GRHL2: variants seen among roughly 807,000 people sequenced by gnomAD.
The protein encoded by GRHL2 is grainyhead like transcription factor 2, also known as grainyhead-like protein 2 homolog.
GRHL2 carries 21 observed loss-of-function variants against 83.8 expected under a neutral mutation model. The ratio of observed to expected loss-of-function variants is 0.25; its 90% CI spans 0.18 to 0.36. The LOEUF is 0.36. Among genes scored for constraint, GRHL2 ranks in the 10% least tolerant of loss-of-function variants. The pLI is 1.00. For synonymous variants in GRHL2, 280 were observed against 278.9 expected, an observed-to-expected ratio of 1.00 and a Z score of -0.04; for missense variants, 623 against 781.8, an observed-to-expected ratio of 0.80 and a Z score of 2.42.
intron 14 of GRHL2, among the ~76,000 whole-genome samples, chr8:101,651,951 G>A (rs1442666240): frequency 6.6e-6 from 1 of 152,222 alleles, no homozygotes; most frequent in African/African-American, 2.4e-5. Flanking sequence ...ATCCTCGGGT[G>A]ATGCAGTCTG....
chr8:101,572,573 A>G (rs758891214), intron 5 of GRHL2, among the ~76,000 whole-genome samples: 2 of 152,222 alleles, frequency 1.3e-5, no homozygotes, highest in Non-Finnish European at 2.9e-5. Flanking sequence ...ACTATGAAAT[A>G]AAAGAGCTAA....
At chr8:101,677,066 TG>T in the GRHL2 span, among the ~76,000 whole-genome samples, 1 of 148,294 alleles carries the variant, frequency 6.7e-6, no homozygotes, top group Admixed American at 6.8e-5. Context: ...TGTTGTGGGG[TG>T]GGGTGAGGGG....
chr8:101,515,448 G>T (rs974768843), intron 1 of GRHL2, among the ~76,000 whole-genome samples: 2 of 152,180 alleles, frequency 1.3e-5, no homozygotes, highest in Non-Finnish European at 2.9e-5. Flanking sequence ...TGAGGAAAAA[G>T]AAAATGTAAA....
intron 1 of GRHL2, among the ~76,000 whole-genome samples, chr8:101,493,285 C>T (rs1454878378): frequency 6.6e-6 from 1 of 152,200 alleles, no homozygotes; most frequent in Non-Finnish European, 1.5e-5. Flanking sequence ...GAGGCAGAAA[C>T]GGCCATCTTC....
intron 1 of GRHL2, among the ~76,000 whole-genome samples, chr8:101,526,848 A>T (rs1344175912): frequency 6.6e-6 from 1 of 152,202 alleles, no homozygotes; most frequent in Non-Finnish European, 1.5e-5. Context: ...TATTAAAAAG[A>T]TTGGTACCCA....
chr8:101,652,588 CTG>C (rs1554596889), intron 14 of GRHL2, among the ~76,000 whole-genome samples: 246 of 17,938 alleles, frequency 0.014, 1 homozygote, highest in Admixed American at 0.045. Context: ...TGTGTGGTGT[CTG>C]TGTGTGTGTG....
intron 1 of GRHL2, among the ~76,000 whole-genome samples, chr8:101,528,052 A>G (rs1463468048): frequency 2.0e-5 from 3 of 152,180 alleles, no homozygotes; most frequent in African/African-American, 7.2e-5. Flanking sequence ...GTGCCTTGCC[A>G]ATACTCAAGT....
At chr8:101,615,877 G>A (rs1439918430) in intron 8 of GRHL2, among the ~76,000 whole-genome samples, 1 of 152,124 alleles carries the variant, frequency 6.6e-6, no homozygotes, top group Non-Finnish European at 1.5e-5. Flanking sequence ...TTGCATAAAT[G>A]ACTGTTAAAT....
At chr8:101,592,265 C>T (rs112918618) in intron 7 of GRHL2, among the ~76,000 whole-genome samples, 22 of 151,884 alleles carry the variant, frequency 1.4e-4, no homozygotes, top group African/African-American at 2.4e-4. Context: ...CAACCACGCC[C>T]GGCTAATTTT....
chr8:101,581,793 C>T lies in GRHL2; in HGVS notation c.1003+4274C>T, dbSNP rs117951833. ...AAGAAGATGACTAGCTAAGATATCA[C>T]GTGGTAAGTGGCAGCATAGAAGAGC... is the stretch of plus-strand genomic sequence containing the variant. On this transcript the variant is annotated intron_variant, in intron 7 of 15. Transcript: ENST00000646743. 8.2e-4 allele frequency among the ~76,000 whole-genome samples: 125 copies of T among 152,272 alleles called. 3 individuals are homozygous for T. The East Asian group carries it at 0.021, about 25-fold the overall frequency.
chr8:101,636,897 G>A lies in GRHL2; in HGVS notation c.1486G>A (p.Val496Met), dbSNP rs140174831. Residue 496 changes from valine to methionine, a missense_variant and splice_region_variant, in exon 12 of 16, where the codon GTG (valine) becomes ATG (methionine). Coordinates refer to ENST00000646743, the MANE Select transcript of GRHL2 (RefSeq NM_024915.4). ...HFANLQRTGQVYYNTDDEREG... is the reference protein window; with the variant it reads ...HFANLQRTGQMYYNTDDEREG... ...GTAAGCCTATTGTTTTGTTCCACAG[G>A]TGTATTACAACACGGATGATGAACG... 16 of 1,613,404 alleles carry A rather than the reference G, an allele frequency of 9.9e-6. No homozygotes were observed. Among genetic ancestry groups the A allele is most frequent in the Non-Finnish European group, 1.3e-5 (15 of 1,179,432 alleles).
chr8:101,672,459 G>A (rs924916815), downstream of GRHL2, among the ~76,000 whole-genome samples: 3 of 151,652 alleles, frequency 2.0e-5, no homozygotes, highest in Non-Finnish European at 2.9e-5. Flanking sequence ...TATCAGCAAT[G>A]GAAGATGAAA....
intron 8 of GRHL2, among the ~76,000 whole-genome samples, chr8:101,604,019 C>CAA (rs541635465): frequency 0.17 from 15,349 of 91,618 alleles, 1,398 homozygotes; most frequent in African/African-American, 0.19. Flanking sequence ...TTTTTTTTTG[C>CAA]AAAAAAAAAA....
chr8:101,636,152 G>A (rs1466671325), intron 11 of GRHL2, among the ~76,000 whole-genome samples: 1 of 152,208 alleles, frequency 6.6e-6, no homozygotes, highest in Admixed American at 6.5e-5. Context: ...GGACATATAT[G>A]CACAGCAGAT....
intron 2 of GRHL2, among the ~76,000 whole-genome samples, chr8:101,550,038 T>C (rs1231136830): frequency 2.0e-5 from 3 of 151,986 alleles, no homozygotes; most frequent in Non-Finnish European, 4.4e-5. Flanking sequence ...TCCTTTTTTC[T>C]ATATATGTAT....
At chr8:101,515,120 G>A (rs1313922681) in intron 1 of GRHL2, among the ~76,000 whole-genome samples, 1 of 148,222 alleles carries the variant, frequency 6.7e-6, no homozygotes, top group Non-Finnish European at 1.5e-5. Context: ...AGGTCTTGAA[G>A]TAGGAAAGAG....
chr8:101,510,321 A>T (rs1193980337), intron 1 of GRHL2, among the ~76,000 whole-genome samples: 9 of 151,972 alleles, frequency 5.9e-5, no homozygotes, highest in African/African-American at 2.2e-4. Context: ...TTGCAAACTA[A>T]CTCTATAAGT....
intron 10 of GRHL2, 22 bp downstream of exon 10, chr8:101,631,746 G>A (rs908304715): frequency 1.3e-6 from 2 of 1,599,588 alleles, no homozygotes; most frequent in Non-Finnish European, 8.6e-7. Context: ...TGAGACTAAT[G>A]TTGCTTTCTA....
chr8:101,638,077 G>C (rs1436690921), intron 12 of GRHL2, among the ~76,000 whole-genome samples: 2 of 152,156 alleles, frequency 1.3e-5, no homozygotes, highest in Non-Finnish European at 2.9e-5. Context: ...AAGCAATCTA[G>C]AACTACATGC....
Sources: gnomAD v4.1 joint callset for allele counts (sites outside exome capture counted in the v4.1 genomes callset) on GRCh38, gnomAD v4.1.1 for gene constraint, MANE v1.5 for transcripts, NCBI Gene and HGNC (gene_info 2026-07-23, HGNC 2026-07-21) for gene names.